Variants in PIEZO1 observed in about 807,000 individuals in gnomAD.
The protein encoded by PIEZO1 is piezo-type mechanosensitive ion channel component 1.
A neutral mutation model predicts 297.2 loss-of-function variants in PIEZO1; 296 were observed. That is an observed-to-expected ratio of 1.00 (90% CI 0.91 to 1.10). The LOEUF (loss-of-function observed/expected upper bound fraction) is 1.10, where lower values mean the gene tolerates loss of function less well. PIEZO1 is among the 50% of genes least tolerant of loss of function. The pLI, the probability that PIEZO1 is intolerant of heterozygous loss-of-function variation, is 0.00. For synonymous variants in PIEZO1, 2,427 were observed against 1,507.5 expected (o/e 1.61, Z -14.13); for missense variants, 5,018 against 3,455.5 (o/e 1.45, Z -11.34).
chr16:88,776,921 G>A (rs1907693188), intron 1 of PIEZO1, among the ~76,000 whole-genome samples: 1 of 152,240 alleles, frequency 6.6e-6, no homozygotes, highest in Non-Finnish European at 1.5e-5. Context: ...TCACTTCTTG[G>A]CAGGGACTAG....
At chr16:88,722,197 T>G (rs375938852) in intron 36 of PIEZO1, 21 bp downstream of exon 36, 154 of 1,540,634 alleles carry the variant, frequency 1.0e-4, no homozygotes, top group Admixed American at 7.1e-4. Flanking sequence ...GAGGCTGGTG[T>G]TGTGCGCGTC....
At chr16:88,761,425 C>T (rs1030496494) in intron 1 of PIEZO1, among the ~76,000 whole-genome samples, 3 of 152,236 alleles carry the variant, frequency 2.0e-5, no homozygotes, top group African/African-American at 7.2e-5. Context: ...TTGCAGGGCA[C>T]GATGGTGCTG....
At chr16:88,747,932 A>G (rs569375257) in intron 2 of PIEZO1, among the ~76,000 whole-genome samples, 73 of 152,304 alleles carry the variant, frequency 4.8e-4, no homozygotes, top group Non-Finnish European at 9.3e-4. Context: ...AGCAGCTGGA[A>G]GAGGAAGCAG....
At position 88,738,337 on chromosome 16, in the gene PIEZO1, G is replaced by C. The variant is rs1035305623; in HGVS notation, c.738C>G (p.Ser246Arg). ...CHFPISTRGF[S>R]RLCVAVGCFG... ...AGCACCCCACCGCGACGCAGAGTCT[G>C]CTGAAGCCCCGAGTGCTGATGGGAA... Residue 246 changes from serine (S) to arginine (R), a missense_variant, in exon 7 of 51, where the codon AGC (serine) becomes AGG (arginine). By Grantham distance (110) the Ser-to-Arg change is moderately radical. Coordinates refer to ENST00000301015, the MANE Select transcript of PIEZO1 (RefSeq NM_001142864.4). The C allele has an allele frequency of 1.5e-5, 23 of 1,535,910 alleles. No individual in the cohort carries two copies. The highest frequency in any genetic ancestry group is 1.7e-5 in the Non-Finnish European group (20 of 1,146,852).
intron 5 of PIEZO1, chr16:88,740,321 C>G (rs552363294): frequency 5.2e-5 from 8 of 152,462 alleles, no homozygotes; most frequent in African/African-American, 1.9e-4. Context: ...GCCCAGGGCG[C>G]AGCTGCACAC....
rs930119085 is a variant in PIEZO1 at position 88,716,283 on chromosome 16, G to A, written c.7050-6C>T. On this transcript the variant is annotated splice_polypyrimidine_tract_variant and splice_region_variant and intron_variant, in intron 48 of 50. Coordinates refer to ENST00000301015, the MANE Select transcript of PIEZO1 (RefSeq NM_001142864.4). ...GGAAGAGATTAGGGATGACCCTGCA[G>A]GGAGGTGCTGGCAGGTCAGGCCTGG... is the stretch of plus-strand genomic sequence containing the variant. 15 of 1,489,804 alleles carry A rather than the reference G, an allele frequency of 1.0e-5. No homozygotes were observed. The highest frequency in any genetic ancestry group is 1.3e-5 in the Non-Finnish European group (15 of 1,114,412). The allele number at this position is 1,489,804 out of a possible 1,614,324, so 92.3% of individuals were successfully genotyped here.
intron 30 of PIEZO1, among the ~76,000 whole-genome samples, chr16:88,724,762 T>C (rs982982416): frequency 6.6e-6 from 1 of 152,120 alleles, no homozygotes; most frequent in Admixed American, 6.5e-5. Flanking sequence ...TCGACCACCA[T>C]GTGTCATCGG....
rs1905187140 is a variant in PIEZO1 at position 88,736,009 on chromosome 16, G to A, written c.1557+139C>T. 4.8e-6 allele frequency: 4 copies of A among 831,968 alleles called. No homozygotes were observed. The South Asian group carries it at 7.1e-5, about 15-fold the overall frequency. The allele number at this position is 831,968 out of a possible 1,614,324, so 51.5% of individuals were successfully genotyped here. On this transcript the variant is annotated intron_variant, in intron 12 of 50. Coordinates refer to ENST00000301015, the MANE Select transcript of PIEZO1 (RefSeq NM_001142864.4). ...TGAGAAGCTACTCTGGGCTGGCTCT[G>A]GGTGGGCAGAAGGGGACAGACAGAC...
intron 2 of PIEZO1, chr16:88,743,826 C>A (rs1905860955): frequency 1.1e-5 from 4 of 363,584 alleles, no homozygotes; most frequent in Admixed American, 1.0e-4. Flanking sequence ...TGCCCCAGGC[C>A]CTGACCTGCT....
At chr16:88,717,464 A>G (rs1055395335) in intron 44 of PIEZO1, 70 of 604,394 alleles carry the variant, frequency 1.2e-4, no homozygotes, top group Non-Finnish European at 2.0e-4. Flanking sequence ...ACCTTTTTCA[A>G]CACGGTGCAG....
Position 88,726,400 on chromosome 16 carries a change from G to A in PIEZO1, c.3852C>T (p.Gly1284=), listed in dbSNP as rs1904433838. Residue 1284 remains glycine, a synonymous_variant, in exon 27 of 51, where the codon GGC becomes GGT. Coordinates refer to ENST00000301015, the MANE Select transcript of PIEZO1 (RefSeq NM_001142864.4). ...AGAAGCAGACGCTGTCCCAGATGATGCCAGCCTCCTCCACAGGCAGCAGGC... is the reference window on the plus strand; with the variant it reads ...AGAAGCAGACGCTGTCCCAGATGATACCAGCCTCCTCCACAGGCAGCAGGC... ...QDCLLPVEEA[G]IIWDSVCFFF... 2 of 1,550,484 alleles carry A rather than the reference G, an allele frequency of 1.3e-6. No individual in the cohort carries two copies. Among genetic ancestry groups the A allele is most frequent in the South Asian group, 1.2e-5 (1 of 84,060 alleles).
chr16:88,722,458 G>T, intron 35 of PIEZO1, 61 bp from the exon 36 acceptor site: 2 of 1,454,394 alleles, frequency 1.4e-6, no homozygotes, highest in Non-Finnish European at 1.8e-6. Flanking sequence ...AGGCTACAGG[G>T]AGGGTCAGGG....
rs1388502360 is a variant in PIEZO1, at chr16:88,716,108, C to T, written c.7141G>A (p.Asp2381Asn). The change falls in exon 50 of 51, where the codon GAC becomes AAC. Residue 2381 changes from aspartate (D) to asparagine (N), a missense_variant. Physicochemically the swap from Asp to Asn is conservative, Grantham distance 23 (BLOSUM62 1). Coordinates refer to ENST00000301015, the MANE Select transcript of PIEZO1 (RefSeq NM_001142864.4). ...VKQLQPNEEA[D>N]YLGVRIQLRR... ...AGCTGGATACGCACGCCGAGGTAGT[C>T]GGCCTCCTCATCTGGGATGGAGGGA... 9.7e-6 allele frequency: 15 copies of T among 1,545,572 alleles called. No homozygotes were observed. Among genetic ancestry groups the T allele is most frequent in the East Asian group, 4.9e-5 (2 of 40,838 alleles).
At chr16:88,737,193 C>A (rs1015916150) in intron 10 of PIEZO1, 41 of 274,114 alleles carry the variant, frequency 1.5e-4, no homozygotes, top group African/African-American at 8.7e-4. Context: ...CCTGGACGAG[C>A]GGCCTCCTGG....
rs918620648 is a variant in PIEZO1 at position 88,721,685 on chromosome 16, G to T, written c.5256C>A (p.Phe1752Leu). The T allele has an allele frequency of 2.6e-5, 41 of 1,549,438 alleles. No individual in the cohort carries two copies. In the East Asian group the frequency reaches 6.6e-4, roughly 25 times the overall value. ...VVKYLFQFGF[F>L]PWNSHVVLRR... Reference sequence around the variant, plus strand: ...GCAGCACCACGTGGCTGTTCCAGGGGAAGAACCCAAACTGGAACAGGTACT... The same window carrying T: ...GCAGCACCACGTGGCTGTTCCAGGGTAAGAACCCAAACTGGAACAGGTACT... The change falls in exon 38 of 51, where the codon TTC (phenylalanine) becomes TTA (leucine). Residue 1752 changes from phenylalanine (F) to leucine (L), a missense_variant. Physicochemically the swap from Phe to Leu is conservative, Grantham distance 22 (BLOSUM62 0). Transcript: ENST00000301015.
Position 88,723,333 on chromosome 16 carries a change from C to T in PIEZO1, c.4336-5G>A, listed in dbSNP as rs1306742227. ...CACCCATGCCTGGTACGCCAGCTGT[C>T]GGCCAGCCCCCGGGTTAGGACCCGG... is the stretch of plus-strand genomic sequence containing the variant. On this transcript the variant is annotated splice_polypyrimidine_tract_variant and splice_region_variant and intron_variant, in intron 31 of 50. Coordinates refer to ENST00000301015, the MANE Select transcript of PIEZO1 (RefSeq NM_001142864.4). 3.9e-6 allele frequency: 6 copies of T among 1,537,212 alleles called. No homozygotes were observed. The highest frequency in any genetic ancestry group is 4.4e-6 in the Non-Finnish European group (5 of 1,146,596).
chr16:88,719,521 G>A (rs752834547), intron 44 of PIEZO1, 53 bp downstream of exon 44: 12 of 1,502,172 alleles, frequency 8.0e-6, no homozygotes, highest in South Asian at 2.4e-5. Context: ...TCTGTCTTAG[G>A]GAGAGGGCAT....
At chr16:88,737,412 G>T in intron 10 of PIEZO1, 147 bp downstream of exon 10, 1 of 589,444 alleles carries the variant, frequency 1.7e-6, no homozygotes, top group Non-Finnish European at 2.9e-6. Flanking sequence ...CACTGACACC[G>T]ACCCGTGGAT....
chr16:88,731,687 C>G lies in PIEZO1; in HGVS notation c.3196+19G>C, dbSNP rs148039351. ...CAAAGCCACAAAGCCCACTCCCACC[C>G]AAGCCACGTGCCCCTCACCAATGCA... On this transcript the variant is annotated intron_variant, in intron 22 of 50. Transcript: ENST00000301015. 6.5e-7 allele frequency: 1 copy of G among 1,545,928 alleles called. No homozygotes were observed. The highest frequency in any genetic ancestry group is 8.7e-7 in the Non-Finnish European group (1 of 1,144,126).
Sources: gnomAD v4.1 joint callset for allele counts (sites outside exome capture counted in the v4.1 genomes callset) on GRCh38, gnomAD v4.1.1 for gene constraint, MANE v1.5 for transcripts, NCBI Gene and HGNC (gene_info 2026-07-23, HGNC 2026-07-21) for gene names.